Variants in ABHD5 observed in about 807,000 individuals in gnomAD.
The protein encoded by ABHD5 is 1-acylglycerol-3-phosphate O-acyltransferase ABHD5.
In ABHD5, 30 loss-of-function variants were observed where a neutral mutation model predicts 44.9. The observed-to-expected ratio is 0.67, with a 90% CI of 0.50 to 0.91. The LOEUF (loss-of-function observed/expected upper bound fraction) is 0.91, where lower values mean the gene tolerates loss of function less well. ABHD5 is among the 40% of genes least tolerant of loss of function. ABHD5 has a pLI of 0.00. For missense variants in ABHD5, 399 were observed against 423.4 expected (o/e 0.94, Z 0.50); for synonymous variants, 167 against 147.0 (o/e 1.14, Z -0.99).
At chr3:43,703,385 G>A (rs1045992342) in intron 3 of ABHD5, among the ~76,000 whole-genome samples, 1 of 151,920 alleles carries the variant, frequency 6.6e-6, no homozygotes, top group Non-Finnish European at 1.5e-5. Context: ...CGCCATGTTC[G>A]CCAGGCTGGT....
At chr3:43,726,664 G>A (rs1324918858), downstream of ABHD5, among the ~76,000 whole-genome samples, 1 of 152,208 alleles carries the variant, frequency 6.6e-6, no homozygotes, top group Non-Finnish European at 1.5e-5. Flanking sequence ...ATCCTCAAGT[G>A]CAGTCTGTTT....
In ABHD5 at chr3:43,710,536, C is replaced by T. The variant is rs866499698; in HGVS notation, c.507-1173C>T. Among the ~76,000 whole-genome samples, 8 of 152,090 alleles carry T rather than the reference C, an allele frequency of 5.3e-5. No homozygotes were observed. In the South Asian group the frequency reaches 8.3e-4, roughly 16 times the overall value. Reference sequence around the variant, plus strand: ...CCTTCTTATCTAAGATGATTGCACCCAATATTCTCCAAGGTACCATAGAGC... The same window carrying T: ...CCTTCTTATCTAAGATGATTGCACCTAATATTCTCCAAGGTACCATAGAGC... On this transcript the variant is annotated intron_variant, in intron 3 of 6. Transcript: ENST00000644371.
downstream of ABHD5, among the ~76,000 whole-genome samples, chr3:43,723,459 G>T (rs1232893066): frequency 6.6e-6 from 1 of 152,164 alleles, no homozygotes; most frequent in Non-Finnish European, 1.5e-5. Context: ...CATTTATTTG[G>T]TGGCTTAGGT....
intron 3 of ABHD5, among the ~76,000 whole-genome samples, chr3:43,706,750 T>C (rs2084625192): frequency 1.3e-5 from 2 of 152,374 alleles, no homozygotes; most frequent in South Asian, 4.1e-4. Context: ...GCTCAGCTGA[T>C]AATGTTATTT....
At chr3:43,722,948 G>A, downstream of ABHD5, among the ~76,000 whole-genome samples, 1 of 152,134 alleles carries the variant, frequency 6.6e-6, no homozygotes, top group East Asian at 1.9e-4. Context: ...AATAATCACA[G>A]CTCAATAGTA....
intron 3 of ABHD5, among the ~76,000 whole-genome samples, chr3:43,706,698 C>G (rs2084624325): frequency 6.6e-6 from 1 of 152,136 alleles, no homozygotes; most frequent in East Asian, 1.9e-4. Context: ...GAATGATCCT[C>G]CTGCCTCCAA....
At chr3:43,723,880 A>C (rs72622917), downstream of ABHD5, among the ~76,000 whole-genome samples, 13,039 of 152,232 alleles carry the variant, frequency 0.086, 774 homozygotes, top group South Asian at 0.21. Flanking sequence ...TGGGTATCAG[A>C]TGATATTAAG....
At chr3:43,710,168 T>C (rs2084669740) in intron 3 of ABHD5, among the ~76,000 whole-genome samples, 1 of 152,198 alleles carries the variant, frequency 6.6e-6, no homozygotes, top group Non-Finnish European at 1.5e-5. Context: ...GAAAATGTTC[T>C]CATATGAAAT....
chr3:43,706,412 C>T (rs1259709235), intron 3 of ABHD5, among the ~76,000 whole-genome samples: 2 of 151,998 alleles, frequency 1.3e-5, no homozygotes, highest in South Asian at 2.1e-4. Flanking sequence ...TTCTTACACT[C>T]ACTGTGCCTC....
chr3:43,734,088 A>G (rs976621786), exon 8 of ABHD5: 4 of 152,440 alleles, frequency 2.6e-5, no homozygotes, highest in Admixed American at 6.5e-5. Context: ...CTGTCAGTAG[A>G]TGCCTTGGTG....
chr3:43,712,716 T>C (rs1377473324), intron 4 of ABHD5, among the ~76,000 whole-genome samples: 1 of 152,236 alleles, frequency 6.6e-6, no homozygotes, highest in African/African-American at 2.4e-5. Context: ...GGTTTGGGTC[T>C]GTGTCTGTGA....
At chr3:43,726,675 C>A (rs938407595), downstream of ABHD5, among the ~76,000 whole-genome samples, 1 of 152,218 alleles carries the variant, frequency 6.6e-6, no homozygotes, top group Non-Finnish European at 1.5e-5. Flanking sequence ...CAGTCTGTTT[C>A]GGCAAACATC....
Position 43,699,256 on chromosome 3 carries a change from T to C in ABHD5, c.48-20T>C. 1 of 1,606,268 alleles carries C rather than the reference T, an allele frequency of 6.2e-7. No homozygotes were observed. Among genetic ancestry groups the C allele is most frequent in the Non-Finnish European group, 8.5e-7 (1 of 1,172,810 alleles). ...AGAGCATGAACTCACCTATTTGTTA[T>C]TTTGTTTTTGGTGCTCTAGGTCAGG... On this transcript the variant is annotated intron_variant, in intron 1 of 6. Coordinates refer to ENST00000644371, the MANE Select transcript of ABHD5 (RefSeq NM_016006.6).
Position 43,718,429 on chromosome 3 carries a change from T to C in ABHD5, c.961-14T>C. The C allele has an allele frequency of 6.2e-7, 1 of 1,610,862 alleles. No homozygotes were observed. The highest frequency in any genetic ancestry group is 8.5e-7 in the Non-Finnish European group (1 of 1,177,042). On this transcript the variant is annotated splice_polypyrimidine_tract_variant and intron_variant, in intron 6 of 6. Transcript: ENST00000644371. ...TTTTACTCACTAACTGTCTGAATGC[T>C]TTTCCTTATCCAGGCTATTCTTGGG...
At chr3:43,692,208 T>A (rs1428554238) in intron 1 of ABHD5, among the ~76,000 whole-genome samples, 1 of 152,238 alleles carries the variant, frequency 6.6e-6, no homozygotes, top group Non-Finnish European at 1.5e-5. Flanking sequence ...CAGGGATATT[T>A]GGAAAGATGT....
chr3:43,726,406 T>C (rs2084878221), downstream of ABHD5, among the ~76,000 whole-genome samples: 1 of 152,008 alleles, frequency 6.6e-6, no homozygotes, highest in African/African-American at 2.4e-5. Flanking sequence ...TCAGGGGATA[T>C]GGAGAGAAAA....
At chr3:43,691,312 C>G (rs1468313249) in intron 1 of ABHD5, 1 of 324,490 alleles carries the variant, frequency 3.1e-6, no homozygotes, top group Non-Finnish European at 5.6e-6. Context: ...CGCGGAGGGT[C>G]CGCCCCGTTG....
intron 1 of ABHD5, among the ~76,000 whole-genome samples, chr3:43,698,023 C>T (rs181363262): frequency 6.2e-4 from 94 of 152,230 alleles, no homozygotes; most frequent in Non-Finnish European, 9.0e-4. Flanking sequence ...ACCTGTTATA[C>T]GTAATATCCA....
At chr3:43,699,791 AAATGTCTTT>A (rs2084517026) in intron 2 of ABHD5, 1 of 171,966 alleles carries the variant, frequency 5.8e-6, no homozygotes, top group African/African-American at 2.4e-5. Flanking sequence ...ACATGTTTAC[AAATGTCTTT>A]AATGTCTAGC....
Sources: allele counts gnomAD v4.1 joint callset (sites outside exome capture counted in the v4.1 genomes callset), GRCh38; gene constraint gnomAD v4.1.1; transcripts MANE v1.5; gene names NCBI Gene and HGNC (gene_info 2026-07-23, HGNC 2026-07-21).